The following MAML3 variants were observed in gnomAD, a reference collection of about 807,000 sequenced individuals.
MAML3 encodes the protein mastermind like transcriptional coactivator 3, also known as mastermind-like protein 3.
Under a neutral mutation model 101.9 loss-of-function variants are expected in MAML3, and 27 were observed. The ratio of observed to expected loss-of-function variants is 0.27; its 90% confidence interval spans 0.20 to 0.37. The LOEUF (loss-of-function observed/expected upper bound fraction) is 0.37. MAML3 is among the 10% of genes least tolerant of loss of function. The probability of loss-of-function intolerance (pLI) is 1.00; values close to 1 mark genes in which losing one functional copy is unlikely to be tolerated. For missense variants in MAML3, 1,316 were observed against 1,444.9 expected (o/e 0.91, Z 1.45); for synonymous variants, 501 against 555.9 (o/e 0.90, Z 1.39).
Position 139,741,836 on chromosome 4 carries a change from C to T in MAML3, c.2080-11169G>A, listed in dbSNP as rs531452494. On this transcript the variant is annotated intron_variant, in intron 2 of 4. Coordinates refer to ENST00000509479, the MANE Select transcript of MAML3 (RefSeq NM_018717.5). ...ATATGTCCTGTGTTTATCTTGTGCACGGTATAATTGCCCTATGCTGTATTT... is the reference window on the plus strand; with the variant it reads ...ATATGTCCTGTGTTTATCTTGTGCATGGTATAATTGCCCTATGCTGTATTT... Among the ~76,000 whole-genome samples, 247 of 152,144 alleles carry T rather than the reference C, an allele frequency of 1.6e-3. 1 individual carries two copies. Among genetic ancestry groups the T allele is most frequent in the Non-Finnish European group, 1.9e-3 (131 of 68,016 alleles).
chr4:140,140,699 G>A (rs754888337), intron 1 of MAML3, among the ~76,000 whole-genome samples: 66 of 152,286 alleles, frequency 4.3e-4, no homozygotes, highest in Non-Finnish European at 6.8e-4. Context: ...AAGTTTAGGC[G>A]CCGAATCACG....
intron 2 of MAML3, among the ~76,000 whole-genome samples, chr4:139,752,949 T>C (rs1334943661): frequency 6.6e-6 from 1 of 152,018 alleles, no homozygotes; most frequent in Non-Finnish European, 1.5e-5. Context: ...CAGGCTGGGG[T>C]GATTTTTTTG....
intron 1 of MAML3, among the ~76,000 whole-genome samples, chr4:140,062,331 T>C (rs1277936680): frequency 6.6e-6 from 1 of 152,170 alleles, no homozygotes; most frequent in East Asian, 1.9e-4. Context: ...CACACCATCA[T>C]GGTTCCAGGA....
chr4:140,088,223 G>A (rs1027948620), intron 1 of MAML3, among the ~76,000 whole-genome samples: 25 of 152,046 alleles, frequency 1.6e-4, no homozygotes, highest in African/African-American at 6.0e-4. Flanking sequence ...AGGGAGGAAG[G>A]GAGGGAGGAC....
chr4:140,126,067 CGCCTG>C (rs1728681258), intron 1 of MAML3, among the ~76,000 whole-genome samples: 1 of 151,830 alleles, frequency 6.6e-6, no homozygotes, highest in Non-Finnish European at 1.5e-5. Context: ...TAAGCCACCG[CGCCTG>C]GCCAAGGTAC....
intron 1 of MAML3, among the ~76,000 whole-genome samples, chr4:140,141,727 T>C (rs1438462676): frequency 1.3e-5 from 2 of 152,232 alleles, no homozygotes; most frequent in Non-Finnish European, 2.9e-5. Context: ...ACACGGCCTT[T>C]AAAAACTAGT....
chr4:139,871,182 G>T (rs1732000621), intron 2 of MAML3, among the ~76,000 whole-genome samples: 3 of 152,076 alleles, frequency 2.0e-5, no homozygotes, highest in Admixed American at 6.5e-5. Flanking sequence ...CATTCCTCAA[G>T]AAGTGGTTCG....
chr4:139,927,849 T>C (rs1654153631), intron 1 of MAML3, among the ~76,000 whole-genome samples: 1 of 152,222 alleles, frequency 6.6e-6, no homozygotes, highest in Admixed American at 6.5e-5. Context: ...TTATTTTGTG[T>C]TTGCCCTGCC....
At chr4:139,918,742 T>C (rs1305128997) in intron 1 of MAML3, among the ~76,000 whole-genome samples, 6 of 152,172 alleles carry the variant, frequency 3.9e-5, no homozygotes, top group Admixed American at 2.6e-4. Context: ...TCAGTACGTA[T>C]CTTTGGAATG....
At chr4:139,764,800 C>A (rs1396175878) in intron 2 of MAML3, among the ~76,000 whole-genome samples, 1 of 152,234 alleles carries the variant, frequency 6.6e-6, no homozygotes, top group Non-Finnish European at 1.5e-5. Context: ...GCACTGTCCA[C>A]ATCCCACTGA....
intron 1 of MAML3, among the ~76,000 whole-genome samples, chr4:140,150,026 CACAT>C (rs1350622063): frequency 6.7e-6 from 1 of 148,194 alleles, no homozygotes; most frequent in Non-Finnish European, 1.5e-5. Context: ...ACACTCATCA[CACAT>C]ACCAGTGAGA....
chr4:140,115,079 A>T (rs1239059539), intron 1 of MAML3, among the ~76,000 whole-genome samples: 1 of 152,200 alleles, frequency 6.6e-6, no homozygotes, highest in African/African-American at 2.4e-5. Context: ...ATGAAGTCTC[A>T]TTTTAATACA....
intron 1 of MAML3, among the ~76,000 whole-genome samples, chr4:140,097,268 G>A (rs768970021): frequency 3.3e-5 from 5 of 152,158 alleles, no homozygotes; most frequent in Non-Finnish European, 5.9e-5. Context: ...CTTGGGAAAT[G>A]ATAATCTTCT....
At chr4:140,120,014 G>C (rs1203282310) in intron 1 of MAML3, among the ~76,000 whole-genome samples, 3 of 151,960 alleles carry the variant, frequency 2.0e-5, no homozygotes, top group African/African-American at 7.3e-5. Flanking sequence ...GAGGCAGGCG[G>C]ATCACGAGGT....
intron 1 of MAML3, among the ~76,000 whole-genome samples, chr4:140,136,685 G>A (rs1728888487): frequency 6.6e-6 from 1 of 152,198 alleles, no homozygotes; most frequent in Non-Finnish European, 1.5e-5. Context: ...GGGAGAGGCT[G>A]GATGGATGAC....
rs553781108 is a variant in MAML3 at position 139,934,192 on chromosome 4, ATGTG to A, written c.469-43229_469-43226del. On this transcript the variant is annotated intron_variant, in intron 1 of 4. Coordinates refer to ENST00000509479, the MANE Select transcript of MAML3 (RefSeq NM_018717.5). ...TGAGTGCATGTCTGAGTGTGTGTGAATGTGTGTGTCTGTGTGTGATGTATGTATT... is the reference window on the plus strand; with the variant it reads ...TGAGTGCATGTCTGAGTGTGTGTGAATGTGTCTGTGTGTGATGTATGTATT... Among the ~76,000 whole-genome samples, 445 of 151,402 alleles carry A rather than the reference ATGTG, an allele frequency of 2.9e-3. 5 individuals are homozygous for A. The highest frequency in any genetic ancestry group is 0.01 in the African/African-American group (421 of 41,282).
At chr4:139,752,417 G>A (rs780395738) in intron 2 of MAML3, among the ~76,000 whole-genome samples, 12 of 152,158 alleles carry the variant, frequency 7.9e-5, no homozygotes, top group Non-Finnish European at 1.8e-4. Flanking sequence ...CTCTTCCAGT[G>A]TGTGGCACCC....
At chr4:139,872,186 G>A (rs187054084) in intron 2 of MAML3, among the ~76,000 whole-genome samples, 180 of 152,188 alleles carry the variant, frequency 1.2e-3, no homozygotes, top group African/African-American at 4.0e-3. Flanking sequence ...GAATATAAAC[G>A]GGAATCTGTA....
At chr4:139,875,797 G>A (rs1440433781) in intron 2 of MAML3, among the ~76,000 whole-genome samples, 1 of 152,034 alleles carries the variant, frequency 6.6e-6, no homozygotes, top group African/African-American at 2.4e-5. Flanking sequence ...AGCCGGCTGG[G>A]TTGGCTTATC....
Sources: gnomAD v4.1 joint callset for allele counts (sites outside exome capture counted in the v4.1 genomes callset) on GRCh38, gnomAD v4.1.1 for gene constraint, MANE v1.5 for transcripts, NCBI Gene and HGNC (gene_info 2026-07-23, HGNC 2026-07-21) for gene names.